MAMLD1: variants seen among roughly 807,000 people sequenced by gnomAD.
MAMLD1 encodes the protein mastermind like domain containing 1, also known as mastermind-like domain-containing protein 1.
A neutral mutation model predicts 45.0 loss-of-function variants in MAMLD1; 14 were observed. That is an observed-to-expected ratio of 0.31 (90% CI 0.21 to 0.49). MAMLD1 has a LOEUF of 0.49. Ranked by LOEUF, MAMLD1 falls within the 20% of genes least tolerant of loss-of-function variation. The pLI is 0.99. For synonymous variants in MAMLD1, 254 were observed against 247.8 expected (o/e 1.02, Z -0.24); for missense variants, 543 against 603.6 (o/e 0.90, Z 1.05).
chrX:150,510,070 C>A (rs782073144), intron 7 of MAMLD1, 24 bp downstream of exon 7: 23 of 1,074,193 alleles, frequency 2.1e-5, no homozygotes, highest in Non-Finnish European at 2.8e-5. Flanking sequence ...GCCAGTGTTC[C>A]CAAAGGGGTG....
intron 2 of MAMLD1, among the ~76,000 whole-genome samples, chrX:150,450,958 T>A (rs1249886572): frequency 8.9e-6 from 1 of 112,898 alleles, no homozygotes; most frequent in Non-Finnish European, 1.9e-5. Context: ...CTCCTTCCTG[T>A]TCCAGACACC....
intron 5 of MAMLD1, among the ~76,000 whole-genome samples, chrX:150,501,493 A>C (rs1162783785): frequency 8.9e-6 from 1 of 112,236 alleles, no homozygotes; most frequent in Non-Finnish European, 1.9e-5. Context: ...GTACTCACTA[A>C]CCACCCCATG....
At chrX:150,504,181 T>G (rs2037654310) in intron 6 of MAMLD1, 5 of 752,586 alleles carry the variant, frequency 6.6e-6, no homozygotes, top group Middle Eastern at 7.4e-4. Flanking sequence ...TGGCTTGACT[T>G]GCCCCCAGAG....
At chrX:150,407,408 C>A (rs2034025650) in intron 1 of MAMLD1, among the ~76,000 whole-genome samples, 1 of 112,088 alleles carries the variant, frequency 8.9e-6, no homozygotes, top group African/African-American at 3.2e-5. Context: ...TGCCAACATG[C>A]ATAATTGAAG....
intron 1 of MAMLD1, among the ~76,000 whole-genome samples, chrX:150,407,256 C>T (rs936597684): frequency 1.8e-5 from 2 of 112,099 alleles, no homozygotes; most frequent in Non-Finnish European, 3.8e-5. Context: ...TAAATAAGAC[C>T]TAGCAGTAGG....
At position 150,454,574 on chromosome X, in the gene MAMLD1, A is replaced by G. The variant is rs2035779194; in HGVS notation, c.97-8198A>G. Among the ~76,000 whole-genome samples the G allele has an allele frequency of 2.7e-5, 3 of 112,027 alleles. No individual in the cohort carries two copies. In the Admixed American group the frequency reaches 2.8e-4, roughly 11 times the overall value. On this transcript the variant is annotated intron_variant, in intron 2 of 7. Coordinates refer to ENST00000370401, the MANE Select transcript of MAMLD1 (RefSeq NM_005491.5). The stretch of plus-strand genomic sequence containing the variant: ...GATAATTTTGAATGACTACAAGGAG[A>G]CAGACTGTTTTGAGGTTTCTGTTAA...
intron 4 of MAMLD1, 59 bp from the exon 5 acceptor site, chrX:150,473,621 A>T: frequency 8.5e-7 from 1 of 1,176,882 alleles, no homozygotes; most frequent in East Asian, 3.0e-5. Flanking sequence ...ACGGCAGGCC[A>T]CCTGGGGCTC....
intron 1 of MAMLD1, among the ~76,000 whole-genome samples, chrX:150,418,215 T>A (rs1395497718): frequency 8.9e-6 from 1 of 112,016 alleles, no homozygotes; most frequent in Non-Finnish European, 1.9e-5. Flanking sequence ...GATTTTCTAG[T>A]TTATTTGCAT....
chrX:150,507,391 G>A (rs1171977192), intron 6 of MAMLD1, among the ~76,000 whole-genome samples: 1 of 112,573 alleles, frequency 8.9e-6, no homozygotes, highest in Non-Finnish European at 1.9e-5. Context: ...AACAAAGGAT[G>A]GGAGCCTCCA....
chrX:150,445,358 C>T (rs782691814), intron 1 of MAMLD1, 96 bp from the exon 2 acceptor site: 78 of 482,392 alleles, frequency 1.6e-4, no homozygotes, highest in Admixed American at 1.5e-3. Context: ...TGGCTGACTC[C>T]ACACAAACCT....
chrX:150,422,342 T>A (rs1422608884), intron 1 of MAMLD1, among the ~76,000 whole-genome samples: 3 of 112,354 alleles, frequency 2.7e-5, no homozygotes, highest in African/African-American at 9.7e-5. Context: ...TCTCTCACCA[T>A]CTTTTGCTAG....
chrX:150,419,469 G>A (rs1483114642), intron 1 of MAMLD1, among the ~76,000 whole-genome samples: 11 of 108,588 alleles, frequency 1.0e-4, no homozygotes, highest in Middle Eastern at 4.8e-3. Flanking sequence ...GTTTGAATTT[G>A]ATCCTGTCAT....
At chrX:150,447,748 A>T (rs1557404863) in intron 2 of MAMLD1, among the ~76,000 whole-genome samples, 1 of 111,185 alleles carries the variant, frequency 9.0e-6, no homozygotes, top group Admixed American at 9.5e-5. Context: ...TCCAGGGTGT[A>T]GCCTTAGCTG....
chrX:150,507,690 T>G (rs1473485600), intron 6 of MAMLD1, among the ~76,000 whole-genome samples: 2 of 112,354 alleles, frequency 1.8e-5, no homozygotes, highest in Non-Finnish European at 3.8e-5. Flanking sequence ...TCCGGGGTCC[T>G]CTGGAATGTG....
intron 5 of MAMLD1, among the ~76,000 whole-genome samples, chrX:150,500,580 A>G (rs1241414851): frequency 8.9e-6 from 1 of 111,757 alleles, no homozygotes; most frequent in Non-Finnish European, 1.9e-5. Context: ...TATCTGTCCC[A>G]TGGCTTACTT....
chrX:150,384,050 C>T (rs1557401961), intron 1 of MAMLD1, among the ~76,000 whole-genome samples: 1 of 111,596 alleles, frequency 9.0e-6, no homozygotes, highest in Non-Finnish European at 1.9e-5. Flanking sequence ...CTTTTTGATT[C>T]TTATGAATAA....
intron 5 of MAMLD1, among the ~76,000 whole-genome samples, chrX:150,494,660 C>G (rs2037309935): frequency 9.0e-6 from 1 of 111,080 alleles, no homozygotes; most frequent in South Asian, 3.8e-4. Flanking sequence ...GCAGGCAGAT[C>G]GCTTGAGCCC....
intron 2 of MAMLD1, among the ~76,000 whole-genome samples, chrX:150,452,351 A>G (rs2035691725): frequency 8.9e-6 from 1 of 111,930 alleles, no homozygotes; most frequent in African/African-American, 3.3e-5. Flanking sequence ...CCTGGCCTTC[A>G]GAGAGTTATG....
At chrX:150,391,765 A>G (rs981506827) in intron 1 of MAMLD1, among the ~76,000 whole-genome samples, 1 of 111,860 alleles carries the variant, frequency 8.9e-6, no homozygotes, top group African/African-American at 3.3e-5. Context: ...GGTATGATTA[A>G]TGATTTTATT....
Sources: allele counts gnomAD v4.1 joint callset (sites outside exome capture counted in the v4.1 genomes callset), GRCh38; gene constraint gnomAD v4.1.1; transcripts MANE v1.5; gene names NCBI Gene and HGNC (gene_info 2026-07-23, HGNC 2026-07-21).